The following VGLL4 variants were observed in gnomAD, a reference collection of about 807,000 sequenced individuals.
VGLL4 encodes transcription cofactor vestigial-like protein 4.
In VGLL4, 7 loss-of-function variants were observed where a neutral mutation model predicts 21.0. The observed-to-expected ratio is 0.33, with a 90% CI of 0.19 to 0.63. VGLL4 has a LOEUF of 0.63. Ranked by LOEUF, VGLL4 falls within the 20% of genes least tolerant of loss-of-function variation. The pLI, the probability that VGLL4 is intolerant of heterozygous loss-of-function variation, is 0.78. For missense variants in VGLL4, 394 were observed against 425.7 expected, an observed-to-expected ratio of 0.93 and a Z score of 0.66; for synonymous variants, 222 against 173.2, an observed-to-expected ratio of 1.28 and a Z score of -2.21.
chr3:11,665,287 G>T (rs1389718971), intron 2 of VGLL4, among the ~76,000 whole-genome samples: 1 of 151,500 alleles, frequency 6.6e-6, no homozygotes, highest in Non-Finnish European at 1.5e-5. Flanking sequence ...CTAATTTTTT[G>T]TATTTTTAGT....
At chr3:11,705,168 G>T (rs568231003) in intron 1 of VGLL4, among the ~76,000 whole-genome samples, 143 of 152,360 alleles carry the variant, frequency 9.4e-4, no homozygotes, top group Middle Eastern at 3.4e-3. Flanking sequence ...CAGAAAAGCG[G>T]CTTAGTCATC....
At chr3:11,625,747 C>T (rs1289896876) in intron 1 of VGLL4, among the ~76,000 whole-genome samples, 1 of 151,214 alleles carries the variant, frequency 6.6e-6, no homozygotes, top group East Asian at 1.9e-4. Context: ...AAATGTGGTA[C>T]AGCCATACAA....
At chr3:11,700,159 G>A (rs974746331) in intron 2 of VGLL4, among the ~76,000 whole-genome samples, 4 of 152,014 alleles carry the variant, frequency 2.6e-5, no homozygotes, top group African/African-American at 9.7e-5. Flanking sequence ...TTATATATAA[G>A]GGTTCAATCA....
intron 1 of VGLL4, among the ~76,000 whole-genome samples, chr3:11,642,990 A>G (rs2075725629): frequency 6.6e-6 from 1 of 152,102 alleles, no homozygotes. Context: ...AACTCGCTGT[A>G]ACTTTGGCTC....
At chr3:11,624,947 A>T (rs1161530782) in intron 1 of VGLL4, among the ~76,000 whole-genome samples, 1 of 152,182 alleles carries the variant, frequency 6.6e-6, no homozygotes, top group African/African-American at 2.4e-5. Context: ...AGGTAAACAG[A>T]GGGATAGGGT....
At chr3:11,667,914 C>A (rs1490763855) in intron 2 of VGLL4, among the ~76,000 whole-genome samples, 1 of 120,672 alleles carries the variant, frequency 8.3e-6, no homozygotes, top group Non-Finnish European at 1.6e-5. Flanking sequence ...AGTGAAGTGG[C>A]GTGATCTCAG....
intron 1 of VGLL4, among the ~76,000 whole-genome samples, chr3:11,629,620 G>A (rs549569050): frequency 8.3e-4 from 126 of 152,044 alleles, no homozygotes; most frequent in Admixed American, 1.4e-3. Flanking sequence ...GGTGGCAAGC[G>A]CCTGTAATCC....
chr3:11,607,270 T>C (rs2074966668), intron 1 of VGLL4: 1 of 152,216 alleles, frequency 6.6e-6, no homozygotes, highest in South Asian at 2.1e-4. Context: ...AAGATACTGA[T>C]TCATGCCATG....
Position 11,643,880 on chromosome 3 carries a change from C to A in VGLL4, c.-362G>T, listed in dbSNP as rs949565172. 8 of 1,027,740 alleles carry A rather than the reference C, an allele frequency of 7.8e-6. No homozygotes were observed. In the African/African-American group the frequency reaches 1.4e-4, roughly 18 times the overall value. The allele number at this position is 1,027,740 out of a possible 1,614,324, so 63.7% of individuals were successfully genotyped here. ...AAAGCGGCGCCGGCCCCTCTCACAG[C>A]CCGCTGCAAGCCGGCAGCGCTGACA... On this transcript the variant is annotated 5_prime_UTR_variant, in exon 1 of 5. Coordinates refer to ENST00000430365, the MANE Select transcript of VGLL4 (RefSeq NM_001128219.3).
At chr3:11,600,169 G>A (rs1042541820) in intron 2 of VGLL4, among the ~76,000 whole-genome samples, 12 of 151,978 alleles carry the variant, frequency 7.9e-5, no homozygotes, top group Non-Finnish European at 1.3e-4. Flanking sequence ...TCTAGTCCTC[G>A]TAATAGCTCT....
chr3:11,570,579 A>C (rs2125163360), intron 2 of VGLL4, among the ~76,000 whole-genome samples: 1 of 152,326 alleles, frequency 6.6e-6, no homozygotes, highest in Non-Finnish European at 1.5e-5. Context: ...AGAGTAAATA[A>C]ATCATTAAGG....
In VGLL4 at chr3:11,568,455, G is replaced by A. The variant is rs957275630; in HGVS notation, c.273-3436C>T. The A allele has an allele frequency of 1.8e-6, 2 of 1,125,468 alleles. No homozygotes were observed. Among genetic ancestry groups the A allele is most frequent in the African/African-American group, 3.1e-5 (2 of 64,410 alleles). The allele number at this position is 1,125,468 out of a possible 1,614,324, so 69.7% of individuals were successfully genotyped here. ...CGCCCACCCTACGCAGGGCAGCAGG[G>A]AGAAGGGGACTTCCAGGCCCACTAA... On this transcript the variant is annotated intron_variant, in intron 2 of 4. Transcript: ENST00000430365. This position sits in a 1 kb window ranked among gnomAD's most constrained non-coding sequence, Gnocchi z 5.9.
chr3:11,590,519 G>C (rs777202118), intron 2 of VGLL4, among the ~76,000 whole-genome samples: 2 of 152,166 alleles, frequency 1.3e-5, no homozygotes, highest in Non-Finnish European at 2.9e-5. Flanking sequence ...TGTTGCCTCT[G>C]CTGGGGCTGG....
At chr3:11,710,838 G>A (rs1487907807) in intron 1 of VGLL4, among the ~76,000 whole-genome samples, 1 of 152,172 alleles carries the variant, frequency 6.6e-6, no homozygotes, top group African/African-American at 2.4e-5. Flanking sequence ...CGTGGCTCAT[G>A]CATATAATTC....
chr3:11,604,349 G>A, intron 1 of VGLL4: 1 of 931,012 alleles, frequency 1.1e-6, no homozygotes, highest in Non-Finnish European at 1.3e-6. Context: ...TAACAGGTTA[G>A]CTGGAGGCAA....
At chr3:11,573,280 AAAGAAAG>A (rs2073876045) in intron 2 of VGLL4, among the ~76,000 whole-genome samples, 1 of 10,628 alleles carries the variant, frequency 9.4e-5, no homozygotes, top group African/African-American at 7.8e-4. Flanking sequence ...AGAAAGAAAG[AAAGAAAG>A]AAAGAAAGAA....
At position 11,666,170 on chromosome 3, in the gene VGLL4, T is replaced by A. The variant is rs530312122; in HGVS notation, c.64+36801A>T. On this transcript the variant is annotated intron_variant, in intron 2 of 5. Coordinates refer to the VGLL4 transcript ENST00000273038. Reference sequence around the variant, plus strand: ...GGGAGGCTGAGGCAGGAGAGTGGCGTGAACCCGGGAGGCGGAGCTTGCAGT... The same window carrying A: ...GGGAGGCTGAGGCAGGAGAGTGGCGAGAACCCGGGAGGCGGAGCTTGCAGT... 2.0e-5 allele frequency among the ~76,000 whole-genome samples: 3 copies of A among 149,460 alleles called. No homozygotes were observed. In the South Asian group the frequency reaches 6.3e-4, roughly 31 times the overall value.
intron 2 of VGLL4, chr3:11,582,194 TTTAAA>T: frequency 1.4e-6 from 2 of 1,453,252 alleles, no homozygotes; most frequent in East Asian, 4.8e-5. Context: ...TGTCTCGCAG[TTTAAA>T]TTAATTACAG....
chr3:11,626,312 G>C, intron 1 of VGLL4: 1 of 454,292 alleles, frequency 2.2e-6, no homozygotes, highest in Non-Finnish European at 4.4e-6. Context: ...AAAATACACT[G>C]CAAGCACACA....
Sources: gnomAD v4.1 joint callset for allele counts (sites outside exome capture counted in the v4.1 genomes callset) on GRCh38, gnomAD v4.1.1 for gene constraint, Gnocchi (gnomAD v3.1) non-coding constraint, MANE v1.5 for transcripts, NCBI Gene and HGNC (gene_info 2026-07-23, HGNC 2026-07-21) for gene names.